Variants in RNU2-2 observed in about 807,000 individuals in gnomAD.
RNU2-2 encodes RNA, U2 small nuclear 2, pseudogene.
the RNU2-2 span, chr11:62,841,781 T>TA: frequency 6.6e-6 from 1 of 152,252 alleles, no homozygotes; most frequent in Non-Finnish European, 1.5e-5. Context: ...ATACTACACT[T>TA]GATCTTAGCC....
chr11:62,841,689 T>A, the RNU2-2 span: 2 of 152,050 alleles, frequency 1.3e-5, no homozygotes, highest in African/African-American at 2.4e-5. Flanking sequence ...CAAGCTCCTA[T>A]TCCATCTCCT....
the RNU2-2 span, chr11:62,841,635 C>G: frequency 1.3e-5 from 2 of 152,234 alleles, no homozygotes; most frequent in East Asian, 1.9e-4. Context: ...TGCACCGTTC[C>G]TGGAAGTACT....
chr11:62,841,633 T>C, the RNU2-2 span: 20 of 152,220 alleles, frequency 1.3e-4, no homozygotes, highest in African/African-American at 4.8e-4. Flanking sequence ...AGTGCACCGT[T>C]CCTGGAAGTA....
the RNU2-2 span, chr11:62,841,658 C>G: frequency 2.0e-5 from 3 of 152,344 alleles, no homozygotes; most frequent in South Asian, 2.1e-4. Context: ...AATACCAGGT[C>G]GATGCGTGGA....
the RNU2-2 span, chr11:62,841,794 A>C: frequency 6.6e-6 from 1 of 152,340 alleles, no homozygotes; most frequent in Non-Finnish European, 1.5e-5. Context: ...TCTTAGCCAA[A>C]AGGCCGAGAA....
the RNU2-2 span, chr11:62,841,620 G>T: frequency 4.6e-5 from 7 of 152,210 alleles, no homozygotes; most frequent in African/African-American, 1.2e-4. Flanking sequence ...TCCCCGAAGG[G>T]AGAGTGCACC....
At chr11:62,841,736 A>G in the RNU2-2 span, 10 of 152,218 alleles carry the variant, frequency 6.6e-5, no homozygotes, top group South Asian at 2.1e-4. Context: ...GTCCTCGGAT[A>G]GAGGACGTAT....
At chr11:62,841,625 T>G in the RNU2-2 span, 12 of 152,256 alleles carry the variant, frequency 7.9e-5, no homozygotes, top group South Asian at 2.1e-4. Flanking sequence ...GAAGGGAGAG[T>G]GCACCGTTCC....
chr11:62,841,680 A>G, the RNU2-2 span: 2 of 152,124 alleles, frequency 1.3e-5, no homozygotes, highest in East Asian at 1.9e-4. Flanking sequence ...TGGACGGAGC[A>G]AGCTCCTATT....
chr11:62,841,656 G>T, the RNU2-2 span: 1 of 152,218 alleles, frequency 6.6e-6, no homozygotes, highest in African/African-American at 2.4e-5. Flanking sequence ...GCAATACCAG[G>T]TCGATGCGTG....
chr11:62,841,725 T>C, the RNU2-2 span: 9 of 152,198 alleles, frequency 5.9e-5, no homozygotes, highest in African/African-American at 9.7e-5. Context: ...TTTAATATAT[T>C]GTCCTCGGAT....
chr11:62,841,620 G>GA, the RNU2-2 span: 1 of 152,210 alleles, frequency 6.6e-6, no homozygotes, highest in Non-Finnish European at 1.5e-5. Flanking sequence ...TCCCCGAAGG[G>GA]AGAGTGCACC....
At chr11:62,841,735 T>A in the RNU2-2 span, 1 of 152,160 alleles carries the variant, frequency 6.6e-6, no homozygotes, top group South Asian at 2.1e-4. Context: ...TGTCCTCGGA[T>A]AGAGGACGTA....
the RNU2-2 span, chr11:62,841,656 G>C: frequency 3.9e-5 from 6 of 152,336 alleles, no homozygotes; most frequent in Non-Finnish European, 7.4e-5. Context: ...GCAATACCAG[G>C]TCGATGCGTG....
the RNU2-2 span, chr11:62,841,712 C>T: frequency 3.9e-5 from 6 of 152,318 alleles, no homozygotes; most frequent in Non-Finnish European, 7.3e-5. Flanking sequence ...TTCCAAAAAT[C>T]CATTTAATAT....
chr11:62,841,723 A>T, the RNU2-2 span: 1 of 152,188 alleles, frequency 6.6e-6, no homozygotes, highest in Non-Finnish European at 1.5e-5. Context: ...CATTTAATAT[A>T]TTGTCCTCGG....
At chr11:62,841,717 T>C in the RNU2-2 span, 9 of 152,200 alleles carry the variant, frequency 5.9e-5, no homozygotes, top group East Asian at 1.9e-4. Flanking sequence ...AAAATCCATT[T>C]AATATATTGT....
chr11:62,841,665 T>G, the RNU2-2 span: 2 of 152,224 alleles, frequency 1.3e-5, no homozygotes, highest in East Asian at 1.9e-4. Flanking sequence ...GGTCGATGCG[T>G]GGAGTGGACG....
chr11:62,841,652 C>A, the RNU2-2 span: 3 of 152,234 alleles, frequency 2.0e-5, no homozygotes, highest in African/African-American at 4.8e-5. Context: ...TACTGCAATA[C>A]CAGGTCGATG....
Sources: allele counts gnomAD v4.1 joint callset, GRCh38; gene constraint gnomAD v4.1.1; transcripts MANE v1.5; gene names NCBI Gene and HGNC (gene_info 2026-07-23, HGNC 2026-07-21).